SUMF1: variants seen among roughly 807,000 people sequenced by gnomAD.
SUMF1 encodes the protein formylglycine-generating enzyme.
In SUMF1, 48 loss-of-function variants were observed where a neutral mutation model predicts 47.6. The ratio of observed to expected loss-of-function variants is 1.01; its 90% confidence interval spans 0.80 to 1.28. The LOEUF is 1.28. SUMF1 is among the 50% of genes most tolerant of loss of function. SUMF1 has a pLI of 0.00. For synonymous variants in SUMF1, 230 were observed against 192.1 expected (o/e 1.20, Z -1.63); for missense variants, 571 against 485.4 (o/e 1.18, Z -1.66).
At chr3:4,112,900 T>C (rs1428757306) in intron 8 of SUMF1, among the ~76,000 whole-genome samples, 1 of 152,164 alleles carries the variant, frequency 6.6e-6, no homozygotes, top group African/African-American at 2.4e-5. Flanking sequence ...AGAATCTGAA[T>C]TGATCTTGTT....
At chr3:4,163,346 GAGAC>G (rs1260407619) in intron 8 of SUMF1, among the ~76,000 whole-genome samples, 1 of 89,050 alleles carries the variant, frequency 1.1e-5, no homozygotes, top group African/African-American at 4.2e-5. Context: ...GAGAGAGAGA[GAGAC>G]AGAGAGAGAG....
intron 8 of SUMF1, among the ~76,000 whole-genome samples, chr3:4,304,389 G>T (rs989963055): frequency 6.6e-6 from 1 of 152,016 alleles, no homozygotes; most frequent in Non-Finnish European, 1.5e-5. Flanking sequence ...TGATCCGCCC[G>T]CCTCGGCCTC....
chr3:4,456,735 TATATACACAC>T (rs1283886370), intron 1 of SUMF1, among the ~76,000 whole-genome samples: 3 of 131,946 alleles, frequency 2.3e-5, no homozygotes, highest in African/African-American at 8.0e-5. Context: ...TACGTGTGTA[TATATACACAC>T]ATATATACGT....
chr3:4,165,661 C>A (rs1694682847), intron 8 of SUMF1, among the ~76,000 whole-genome samples: 1 of 151,908 alleles, frequency 6.6e-6, no homozygotes, highest in South Asian at 2.1e-4. Flanking sequence ...TTTATACTTC[C>A]CTCAGGTGGC....
At chr3:4,321,532 G>C (rs1698834272) in intron 8 of SUMF1, among the ~76,000 whole-genome samples, 1 of 148,020 alleles carries the variant, frequency 6.8e-6, no homozygotes, top group African/African-American at 2.5e-5. Context: ...GGTGTCAAAG[G>C]AGTATAGAAA....
chr3:4,398,669 G>T (rs892720815), intron 7 of SUMF1, among the ~76,000 whole-genome samples: 3 of 152,168 alleles, frequency 2.0e-5, no homozygotes, highest in African/African-American at 4.8e-5. Flanking sequence ...AAGAGGTTAG[G>T]AAGGTAAGAA....
At chr3:4,143,516 A>T (rs1157850978) in intron 8 of SUMF1, among the ~76,000 whole-genome samples, 1 of 152,160 alleles carries the variant, frequency 6.6e-6, no homozygotes. Context: ...ATGGGCCCGA[A>T]TGAAAGTCAT....
intron 8 of SUMF1, among the ~76,000 whole-genome samples, chr3:4,292,332 T>C (rs892426756): frequency 3.3e-5 from 5 of 152,222 alleles, no homozygotes; most frequent in African/African-American, 4.8e-5. Context: ...TTTTGTTTAG[T>C]GGAATTTCTA....
At chr3:4,068,776 A>T (rs1474388456) in intron 8 of SUMF1, 1 of 332,776 alleles carries the variant, frequency 3.0e-6, no homozygotes, top group East Asian at 8.5e-5. Context: ...AAGAAGAAGA[A>T]ATAATAATAA....
At chr3:4,273,443 A>G (rs928380465) in intron 8 of SUMF1, among the ~76,000 whole-genome samples, 2 of 152,116 alleles carry the variant, frequency 1.3e-5, no homozygotes, top group Non-Finnish European at 2.9e-5. Context: ...GATTCCATTT[A>G]TATGAAATGT....
intron 8 of SUMF1, 54 bp from the exon 9 acceptor site, chr3:4,362,308 T>G: frequency 2.0e-6 from 3 of 1,479,034 alleles, no homozygotes; most frequent in Non-Finnish European, 2.8e-6. Context: ...AGCTGAAGGC[T>G]CTAACCCATC....
chr3:4,295,981 A>T (rs369986015), intron 8 of SUMF1, among the ~76,000 whole-genome samples: 2 of 152,204 alleles, frequency 1.3e-5, no homozygotes, highest in African/African-American at 4.8e-5. Flanking sequence ...ATAGCAGTCT[A>T]AACACAAAAA....
chr3:4,450,065 C>T (rs2125126448), intron 2 of SUMF1, among the ~76,000 whole-genome samples: 1 of 152,250 alleles, frequency 6.6e-6, no homozygotes, highest in South Asian at 2.1e-4. Context: ...TTCTACTACA[C>T]CAGTGGCTCT....
Position 4,084,888 on chromosome 3 carries a change from G to A in SUMF1, c.1015-16143C>T, listed in dbSNP as rs138266066. Reference sequence around the variant, plus strand: ...TATCCCTCAGAAGTGCCAATTTTACGTCTTTCCCAGTTTTCAACATAACAG... The same window carrying A: ...TATCCCTCAGAAGTGCCAATTTTACATCTTTCCCAGTTTTCAACATAACAG... On this transcript the variant is annotated intron_variant and NMD_transcript_variant, in intron 8 of 12. Coordinates refer to the SUMF1 transcript ENST00000448413. Among the ~76,000 whole-genome samples the A allele has an allele frequency of 2.2e-4, 33 of 152,146 alleles. 1 individual carries two copies. Among genetic ancestry groups the A allele is most frequent in the Middle Eastern group, 6.8e-3 (2 of 294 alleles).
chr3:4,187,323 C>G (rs980074447), intron 8 of SUMF1, among the ~76,000 whole-genome samples: 2 of 152,172 alleles, frequency 1.3e-5, no homozygotes, highest in African/African-American at 2.4e-5. Context: ...GAGCTAGTAT[C>G]GTGCCACTGC....
At chr3:4,056,700 T>C (rs1049456900) in intron 9 of SUMF1, among the ~76,000 whole-genome samples, 1 of 152,046 alleles carries the variant, frequency 6.6e-6, no homozygotes, top group Non-Finnish European at 1.5e-5. Flanking sequence ...AATAGAATTA[T>C]GTGTGGTTTT....
intron 8 of SUMF1, among the ~76,000 whole-genome samples, chr3:4,308,409 A>G (rs1424966678): frequency 2.0e-5 from 3 of 152,244 alleles, no homozygotes; most frequent in Non-Finnish European, 2.9e-5. Flanking sequence ...TAAGATGTTT[A>G]GTAATGTAAA....
At chr3:4,354,522 CT>C (rs1699576479) in intron 8 of SUMF1, among the ~76,000 whole-genome samples, 1 of 152,224 alleles carries the variant, frequency 6.6e-6, no homozygotes, top group African/African-American at 2.4e-5. Flanking sequence ...CCAGGTCTCA[CT>C]TTCCCCTTCC....
chr3:4,332,062 G>A (rs1292969793), intron 8 of SUMF1, among the ~76,000 whole-genome samples: 1 of 152,058 alleles, frequency 6.6e-6, no homozygotes, highest in African/African-American at 2.4e-5. Flanking sequence ...TGAACTACAA[G>A]GCATTTGAAT....
Sources: allele counts gnomAD v4.1 joint callset (sites outside exome capture counted in the v4.1 genomes callset), GRCh38; gene constraint gnomAD v4.1.1; transcripts MANE v1.5; gene names NCBI Gene and HGNC (gene_info 2026-07-23, HGNC 2026-07-21).